ALG12: variants seen among roughly 807,000 people sequenced by gnomAD.
ALG12 encodes ALG12 alpha-1,6-mannosyltransferase.
In ALG12, 36 loss-of-function variants were observed where a neutral mutation model predicts 46.0. The observed-to-expected ratio is 0.78, with a 90% CI of 0.60 to 1.03. ALG12 has a LOEUF of 1.03. ALG12 is among the 50% of genes least tolerant of loss of function. The pLI, the probability that ALG12 is intolerant of heterozygous loss-of-function variation, is 0.00. For missense variants in ALG12, 599 were observed against 633.5 expected (o/e 0.95, Z 0.58); for synonymous variants, 326 against 291.6 (o/e 1.12, Z -1.20).
the ALG12 span, among the ~76,000 whole-genome samples, chr22:49,871,106 A>G: frequency 9.7e-6 from 1 of 103,566 alleles, no homozygotes; most frequent in Non-Finnish European, 2.0e-5. Context: ...ATGCCTGGCT[A>G]ATATATTTTT....
the ALG12 span, among the ~76,000 whole-genome samples, chr22:49,870,287 A>G: frequency 6.6e-6 from 1 of 152,202 alleles, no homozygotes; most frequent in African/African-American, 2.4e-5. Flanking sequence ...TGATGAACAT[A>G]CATGTGTACA....
downstream of ALG12, among the ~76,000 whole-genome samples, chr22:49,897,977 T>A (rs2060490373): frequency 6.6e-6 from 1 of 151,152 alleles, no homozygotes; most frequent in South Asian, 2.1e-4. Context: ...ATTGTTTTCT[T>A]ATTTATGAGT....
At chr22:49,864,079 T>A in the ALG12 span, among the ~76,000 whole-genome samples, 1 of 152,224 alleles carries the variant, frequency 6.6e-6, no homozygotes, top group Non-Finnish European at 1.5e-5. Flanking sequence ...CTTGGAAGTT[T>A]CAAAACCACA....
At chr22:49,885,875 AC>A in the ALG12 span, 1 of 1,294,124 alleles carries the variant, frequency 7.7e-7, no homozygotes, top group Non-Finnish European at 1.1e-6. Context: ...TGGATGAGTA[AC>A]CAGACCCGTG....
At chr22:49,897,712 G>A (rs12163340), downstream of ALG12, among the ~76,000 whole-genome samples, 1 of 139,606 alleles carries the variant, frequency 7.2e-6, no homozygotes, top group Non-Finnish European at 1.5e-5. Context: ...CTGTCGCCCA[G>A]GCTGCCGTGC....
chr22:49,883,522 G>C, the ALG12 span: 1 of 1,188,806 alleles, frequency 8.4e-7, no homozygotes, highest in Non-Finnish European at 1.1e-6. Context: ...TACTATTTAT[G>C]ATTAGCCATA....
the ALG12 span, among the ~76,000 whole-genome samples, chr22:49,876,690 G>A: frequency 1.3e-5 from 2 of 151,970 alleles, no homozygotes; most frequent in Non-Finnish European, 1.5e-5. Flanking sequence ...CAGCTGCAGC[G>A]TTTACCCCGA....
chr22:49,876,931 T>A, the ALG12 span, among the ~76,000 whole-genome samples: 1 of 152,224 alleles, frequency 6.6e-6, no homozygotes, highest in Non-Finnish European at 1.5e-5. Context: ...CAAAGATTCC[T>A]TTGATGAATC....
In ALG12 at chr22:49,904,067, C is replaced by T; in HGVS notation, c.1239-1G>A. The T allele has an allele frequency of 6.2e-7, 1 of 1,614,152 alleles. No individual in the cohort carries two copies. ...CTGCACATCCTCCCTCTTGTCGTACCTGTGGGATGAGAGCTGGTGGTCCTG... is the reference window on the plus strand; with the variant it reads ...CTGCACATCCTCCCTCTTGTCGTACTTGTGGGATGAGAGCTGGTGGTCCTG... On this transcript the variant is annotated splice_acceptor_variant, in intron 9 of 9. Transcript: ENST00000330817. LOFTEE classifies it high-confidence loss of function.
the ALG12 span, among the ~76,000 whole-genome samples, chr22:49,875,944 CT>C: frequency 2.0e-5 from 3 of 146,688 alleles, no homozygotes; most frequent in African/African-American, 5.0e-5. Context: ...GATTTTTTTT[CT>C]TTTTTTTTTA....
intron 1 of ALG12, among the ~76,000 whole-genome samples, chr22:49,917,710 T>C (rs1342660338): frequency 6.6e-6 from 1 of 151,762 alleles, no homozygotes; most frequent in Non-Finnish European, 1.5e-5. Flanking sequence ...TGTTACTTTT[T>C]TTTTTTTTAA....
the ALG12 span, among the ~76,000 whole-genome samples, chr22:49,892,935 T>C: frequency 6.7e-6 from 1 of 150,338 alleles, no homozygotes; most frequent in Non-Finnish European, 1.5e-5. Context: ...AATACTGGAG[T>C]TTTCAGACAC....
chr22:49,866,733 A>G, the ALG12 span, among the ~76,000 whole-genome samples: 7 of 152,202 alleles, frequency 4.6e-5, 1 homozygote, highest in Admixed American at 3.9e-4. Flanking sequence ...ATGTGACAGA[A>G]TTCTTTTCTG....
chr22:49,862,936 A>C, the ALG12 span, among the ~76,000 whole-genome samples: 11 of 151,936 alleles, frequency 7.2e-5, no homozygotes, highest in Admixed American at 6.6e-5. Context: ...TCCTGACCTT[A>C]GGTGATCCAC....
the ALG12 span, chr22:49,887,868 A>G: frequency 6.0e-6 from 1 of 167,256 alleles, no homozygotes; most frequent in Non-Finnish European, 1.5e-5. Context: ...GCTGTTTATC[A>G]TCAGCTCCTC....
chr22:49,881,576 A>G, the ALG12 span, among the ~76,000 whole-genome samples: 1 of 152,156 alleles, frequency 6.6e-6, no homozygotes, highest in Non-Finnish European at 1.5e-5. Context: ...ACAGAGTTTC[A>G]CTATTATTCA....
At chr22:49,866,361 CTT>C in the ALG12 span, among the ~76,000 whole-genome samples, 2 of 151,936 alleles carry the variant, frequency 1.3e-5, no homozygotes, top group South Asian at 2.1e-4. Context: ...GTCCGTTTCT[CTT>C]GAGTCTTTTT....
chr22:49,873,510 C>A, the ALG12 span, among the ~76,000 whole-genome samples: 1 of 152,104 alleles, frequency 6.6e-6, no homozygotes, highest in Non-Finnish European at 1.5e-5. Flanking sequence ...TAACAGATAC[C>A]ATGATAATGG....
rs1291753706 is a variant in ALG12, at chr22:49,910,551, C to G, written c.352G>C (p.Val118Leu). ...IFGLWTLQKE[V>L]RRHFGAMVAT... ...ACCATGGCCCCGAAGTGCCGTCTCA[C>G]TTCCTTTTGTAACGTCCAGAGTCCA... The change falls in exon 4 of 10, where the codon GTG (valine) becomes CTG (leucine). Residue 118 changes from valine (V) to leucine (L), a missense_variant. By Grantham distance (32) the Val-to-Leu change is conservative (BLOSUM62 1). Coordinates refer to ENST00000330817, the MANE Select transcript of ALG12 (RefSeq NM_024105.4). 1.9e-6 allele frequency: 3 copies of G among 1,614,056 alleles called. No individual in the cohort carries two copies. The highest frequency in any genetic ancestry group is 2.5e-6 in the Non-Finnish European group (3 of 1,180,044).
Sources: gnomAD v4.1 joint callset for allele counts (sites outside exome capture counted in the v4.1 genomes callset) on GRCh38, gnomAD v4.1.1 for gene constraint, MANE v1.5 for transcripts, NCBI Gene and HGNC (gene_info 2026-07-23, HGNC 2026-07-21) for gene names.